The following ERICH1 variants were observed in gnomAD, a reference collection of about 807,000 sequenced individuals.
The protein encoded by ERICH1 is glutamate-rich protein 1.
A neutral mutation model predicts 39.6 loss-of-function variants in ERICH1; 56 were observed. The ratio of observed to expected loss-of-function variants is 1.41; its 90% CI spans 1.14 to 1.77. The LOEUF is 1.77. Among genes scored for constraint, ERICH1 ranks in the 40% most tolerant of loss-of-function variants. The pLI, the probability that ERICH1 is intolerant of heterozygous loss-of-function variation, is 0.00. For synonymous variants in ERICH1, 313 were observed against 223.6 expected (o/e 1.40, Z -3.57); for missense variants, 826 against 575.4 (o/e 1.44, Z -4.45).
chr8:630,078 G>C (rs12545867), intron 3 of ERICH1, among the ~76,000 whole-genome samples: 4,180 of 44,824 alleles, frequency 0.093, 5 homozygotes, highest in Middle Eastern at 0.16. Context: ...CCTCCTGTGA[G>C]CACCCACACA....
chr8:671,099 G>A (rs1184909314), intron 4 of ERICH1, among the ~76,000 whole-genome samples: 3 of 151,750 alleles, frequency 2.0e-5, no homozygotes, highest in Admixed American at 6.6e-5. Context: ...TCTAATGTCT[G>A]TGCTCACTGG....
chr8:731,189 A>G lies in ERICH1; in HGVS notation c.-28T>C. 8 of 1,493,494 alleles carry G rather than the reference A, an allele frequency of 5.4e-6. No individual in the cohort carries two copies. Among genetic ancestry groups the G allele is most frequent in the South Asian group, 1.3e-5 (1 of 78,658 alleles). 92.5% of individuals were successfully genotyped at this position (1,493,494 alleles called of 1,614,324 possible). A position where few individuals can be genotyped will look rare whatever the true frequency, so the allele number is the denominator to read the frequency against. On this transcript the variant is annotated 5_prime_UTR_variant, in exon 1 of 6. Transcript: ENST00000262109. ...GGGACCCTGCCGCGGACCTCAGACC[A>G]CGGCGCGCGGTCCTGAGCTGAGCGC...
rs183055442 is a variant in ERICH1, at chr8:615,718, G to A, written c.977-434C>T. On this transcript the variant is annotated intron_variant, in intron 3 of 3. Coordinates refer to the ERICH1 transcript ENST00000522706. ...GGAAAGACAACATTCTTATTGCTTG[G>A]AGGTTTACTCGAGTGAGAATTGAGT... The A allele has an allele frequency of 3.1e-3, 485 of 155,422 alleles. 14 individuals are homozygous for A. Among genetic ancestry groups the A allele is most frequent in the Admixed American group, 0.029 (439 of 15,390 alleles). The allele number at this position is 155,422 out of a possible 1,614,324, so 9.6% of individuals were successfully genotyped here. A position where few individuals can be genotyped will look rare whatever the true frequency, so the allele number is the denominator to read the frequency against.
intron 2 of ERICH1, among the ~76,000 whole-genome samples, chr8:705,642 T>C (rs947609271): frequency 2.0e-5 from 3 of 150,150 alleles, no homozygotes; most frequent in African/African-American, 7.3e-5. Context: ...CTCACGGCAC[T>C]TTTTGTCAAC....
At chr8:726,762 CA>C (rs1818813288) in intron 1 of ERICH1, among the ~76,000 whole-genome samples, 1 of 151,546 alleles carries the variant, frequency 6.6e-6, no homozygotes, top group East Asian at 1.9e-4. Flanking sequence ...ACACCACACA[CA>C]GACACATGTA....
At chr8:619,859 T>C (rs964633650) in intron 3 of ERICH1, among the ~76,000 whole-genome samples, 2 of 152,070 alleles carry the variant, frequency 1.3e-5, no homozygotes, top group Non-Finnish European at 2.9e-5. Flanking sequence ...AAAATAAAAT[T>C]TGATGTTAAG....
chr8:616,585 G>A (rs1374704113), intron 3 of ERICH1: 1 of 455,832 alleles, frequency 2.2e-6, no homozygotes, highest in Non-Finnish European at 4.4e-6. Context: ...GTCAGGGCTG[G>A]AGAGAGACAG....
chr8:663,748 T>C (rs1425032717), downstream of ERICH1, among the ~76,000 whole-genome samples: 5 of 151,984 alleles, frequency 3.3e-5, no homozygotes, highest in African/African-American at 7.3e-5. Flanking sequence ...GCTGTACCAA[T>C]TGACTGATGG....
chr8:731,224 C>G lies in ERICH1; in HGVS notation c.-63G>C. On this transcript the variant is annotated 5_prime_UTR_variant, in exon 1 of 6. Coordinates refer to ENST00000262109, the MANE Select transcript of ERICH1 (RefSeq NM_207332.3). ...GTCCTGAGCTGAGCGCCGTGCCTTCCGGGTTCCGCCCTCCTGGGTCCGCCC... is the reference window on the plus strand; with the variant it reads ...GTCCTGAGCTGAGCGCCGTGCCTTCGGGGTTCCGCCCTCCTGGGTCCGCCC... 2 of 1,406,784 alleles carry G rather than the reference C, an allele frequency of 1.4e-6. No homozygotes were observed. The highest frequency in any genetic ancestry group is 1.5e-5 in the African/African-American group (1 of 66,998). 87.1% of individuals were successfully genotyped at this position (1,406,784 alleles called of 1,614,324 possible).
intron 3 of ERICH1, among the ~76,000 whole-genome samples, chr8:683,453 T>A (rs996134018): frequency 4.6e-5 from 7 of 152,158 alleles, no homozygotes; most frequent in African/African-American, 1.7e-4. Flanking sequence ...CTGAACACCC[T>A]CGGAATAAAG....
intron 2 of ERICH1, among the ~76,000 whole-genome samples, chr8:698,080 C>T (rs1239731833): frequency 2.6e-5 from 4 of 152,172 alleles, no homozygotes; most frequent in Admixed American, 1.3e-4. Context: ...TGGAGGCATG[C>T]GCTCTGCGCC....
chr8:641,998 G>C (rs111267849), intron 3 of ERICH1, among the ~76,000 whole-genome samples: 1,962 of 152,332 alleles, frequency 0.013, 35 homozygotes, highest in African/African-American at 0.044. Flanking sequence ...CACCTGCTCA[G>C]AACAGTGGGA....
In ERICH1 at chr8:715,976, A is replaced by T. The variant is rs1458708970; in HGVS notation, c.54T>A (p.Phe18Leu). 5.0e-6 allele frequency: 8 copies of T among 1,612,916 alleles called. No individual in the cohort carries two copies. The highest frequency in any genetic ancestry group is 1.7e-5 in the Admixed American group (1 of 59,694). Residue 18 changes from phenylalanine to leucine, a missense_variant, in exon 2 of 6, where the codon TTT becomes TTA. By Grantham distance (22) the Phe-to-Leu change is conservative. Transcript: ENST00000262109. ...TTCCTTGGCCACTTGGAACAGGAGG[A>T]AAAAGTCTCTGCAGCACCTTCTCCA... ...VFVEKVLQRLFPPVPSGQGKR... is the reference protein window; with the variant it reads ...VFVEKVLQRLLPPVPSGQGKR...
chr8:632,629 C>A (rs1008317673), intron 3 of ERICH1, among the ~76,000 whole-genome samples: 3 of 152,176 alleles, frequency 2.0e-5, no homozygotes, highest in African/African-American at 7.2e-5. Flanking sequence ...AAGAAAGGGG[C>A]AGACGTTATG....
chr8:688,240 A>C (rs897664860), intron 3 of ERICH1, among the ~76,000 whole-genome samples: 6 of 79,854 alleles, frequency 7.5e-5, no homozygotes, highest in Non-Finnish European at 1.3e-4. Flanking sequence ...TTCTCGCAGA[A>C]AAGGTAAAGC....
chr8:685,680 G>A (rs1043316430), intron 3 of ERICH1, among the ~76,000 whole-genome samples: 17 of 152,236 alleles, frequency 1.1e-4, no homozygotes, highest in Admixed American at 9.8e-4. Context: ...GCCTTCAGCC[G>A]GTCCCTCCGT....
At chr8:624,499 A>T (rs1797482931) in intron 3 of ERICH1, among the ~76,000 whole-genome samples, 1 of 152,194 alleles carries the variant, frequency 6.6e-6, no homozygotes, top group Non-Finnish European at 1.5e-5. Flanking sequence ...TCCTTTCTTG[A>T]ACTGCTATAA....
chr8:652,266 G>A (rs1800068595), intron 3 of ERICH1, among the ~76,000 whole-genome samples: 2 of 152,242 alleles, frequency 1.3e-5, no homozygotes. Context: ...GTTACGTGAT[G>A]GAGGGAGAAG....
intron 2 of ERICH1, among the ~76,000 whole-genome samples, chr8:708,699 T>TTTTTTTTTTG (rs1813990206): frequency 7.4e-6 from 1 of 135,906 alleles, no homozygotes; most frequent in Non-Finnish European, 1.6e-5. Flanking sequence ...TTTTTTTTTT[T>TTTTTTTTTTG]TTTTTTTTTT....
Sources: gnomAD v4.1 joint callset for allele counts (sites outside exome capture counted in the v4.1 genomes callset) on GRCh38, gnomAD v4.1.1 for gene constraint, MANE v1.5 for transcripts, NCBI Gene and HGNC (gene_info 2026-07-23, HGNC 2026-07-21) for gene names.